Variants in BCAS3 observed in about 807,000 individuals in gnomAD.
BCAS3 encodes the protein BCAS3 microtubule associated cell migration factor.
A neutral mutation model predicts 116.1 loss-of-function variants in BCAS3; 53 were observed. The ratio of observed to expected loss-of-function variants is 0.46; its 90% confidence interval spans 0.37 to 0.57. The LOEUF is 0.57. Among genes scored for constraint, BCAS3 ranks in the 20% least tolerant of loss-of-function variants. The pLI is 0.00. For synonymous variants in BCAS3, 391 were observed against 408.2 expected, an observed-to-expected ratio of 0.96 and a Z score of 0.51; for missense variants, 917 against 1,165.4, an observed-to-expected ratio of 0.79 and a Z score of 3.10.
At chr17:60,781,529 G>A (rs1247097247) in intron 6 of BCAS3, among the ~76,000 whole-genome samples, 4 of 152,036 alleles carry the variant, frequency 2.6e-5, no homozygotes, top group Non-Finnish European at 5.9e-5. Flanking sequence ...AAGTCAGGAG[G>A]CAGAGGTTTC....
chr17:61,130,337 C>T lies in BCAS3; in HGVS notation c.2425+45773C>T, dbSNP rs1224481820. On this transcript the variant is annotated intron_variant, in intron 22 of 23. Coordinates refer to ENST00000407086, the MANE Select transcript of BCAS3 (RefSeq NM_017679.5). The surrounding 1 kb of genome is among the most constrained non-coding windows in gnomAD (Gnocchi z 5.0). The stretch of plus-strand genomic sequence containing the variant: ...TCCCAATTAATTATGAGAAATTCAT[C>T]TGTACAATTTTCTTATTAATTCTCG... Among the ~76,000 whole-genome samples, 2 of 152,118 alleles carry T rather than the reference C, an allele frequency of 1.3e-5. No individual in the cohort carries two copies. The highest frequency in any genetic ancestry group is 2.9e-5 in the Non-Finnish European group (2 of 68,022).
chr17:60,976,020 C>CATTTTTTTTTTTTT (rs1555644289), intron 14 of BCAS3, among the ~76,000 whole-genome samples: 1 of 98,286 alleles, frequency 1.0e-5, no homozygotes, highest in Non-Finnish European at 1.8e-5. Flanking sequence ...TAGATTTTTG[C>CATTTTTTTTTTTTT]TTTTTTTTTT....
chr17:61,271,124 C>CTTTTTTTT (rs1198682844), intron 22 of BCAS3, among the ~76,000 whole-genome samples: 12 of 107,070 alleles, frequency 1.1e-4, no homozygotes, highest in East Asian at 2.8e-4. Context: ...AACTTTTATT[C>CTTTTTTTT]TTTTTTTTTT....
At chr17:60,912,267 G>C (rs1472529938) in intron 12 of BCAS3, among the ~76,000 whole-genome samples, 1 of 151,972 alleles carries the variant, frequency 6.6e-6, no homozygotes, top group East Asian at 1.9e-4. Flanking sequence ...TTTTTATATA[G>C]AATATATATT....
intron 12 of BCAS3, 110 bp from the exon 13 acceptor site, chr17:60,924,297 T>G: frequency 1.2e-6 from 1 of 839,528 alleles, no homozygotes; most frequent in Non-Finnish European, 2.0e-6. Flanking sequence ...TCTGCTAGAG[T>G]GGAAACATGT....
chr17:61,294,229 A>G (rs1435828911), intron 22 of BCAS3, among the ~76,000 whole-genome samples: 1 of 151,958 alleles, frequency 6.6e-6, no homozygotes, highest in Non-Finnish European at 1.5e-5. Context: ...ATCATGTTTG[A>G]AAAAAGCCTT....
At chr17:60,748,669 T>A (rs1173331959) in intron 6 of BCAS3, among the ~76,000 whole-genome samples, 1 of 152,208 alleles carries the variant, frequency 6.6e-6, no homozygotes, top group Non-Finnish European at 1.5e-5. Flanking sequence ...TTATTTTGTT[T>A]ATGTGTATTA....
At chr17:60,811,158 C>T in intron 7 of BCAS3, 1 of 641,784 alleles carries the variant, frequency 1.6e-6, no homozygotes, top group Non-Finnish European at 2.9e-6. Context: ...AGGCCCACTA[C>T]ACCCTGCAGA....
rs2057595095 is a variant in BCAS3 at position 61,347,854 on chromosome 17, C to G, written c.2426-20473C>G. On this transcript the variant is annotated intron_variant, in intron 22 of 23. Transcript: ENST00000407086. This position sits in a 1 kb window ranked among gnomAD's most constrained non-coding sequence, Gnocchi z 4.3. ...GGGAAGGCATTCCAGGCAGAGGGAG[C>G]AGCAGATGCACAGACACAGGGGCAA... Among the ~76,000 whole-genome samples, 1 of 152,128 alleles carries G rather than the reference C, an allele frequency of 6.6e-6. No individual in the cohort carries two copies. The highest frequency in any genetic ancestry group is 1.5e-5 in the Non-Finnish European group (1 of 68,018).
Position 61,349,345 on chromosome 17 carries a change from T to C in BCAS3, c.2426-18982T>C, listed in dbSNP as rs1391331512. On this transcript the variant is annotated intron_variant, in intron 22 of 23. Transcript: ENST00000407086. The surrounding 1 kb of genome is among the most constrained non-coding windows in gnomAD (Gnocchi z 4.7). ...AAGTTCTTGAGAATCCCCATGATCA[T>C]GAGCCACTGTTACTGATGGAACCAT... 2.0e-5 allele frequency among the ~76,000 whole-genome samples: 3 copies of C among 152,166 alleles called. No individual in the cohort carries two copies. The highest frequency in any genetic ancestry group is 4.4e-5 in the Non-Finnish European group (3 of 68,032).
intron 5 of BCAS3, among the ~76,000 whole-genome samples, chr17:60,735,325 T>C (rs974944352): frequency 4.0e-5 from 6 of 150,942 alleles, no homozygotes; most frequent in Admixed American, 3.3e-4. Flanking sequence ...CTTGTCTTAC[T>C]GTATTAGCTA....
intron 7 of BCAS3, among the ~76,000 whole-genome samples, chr17:60,818,872 T>C (rs2049678675): frequency 6.6e-6 from 1 of 152,064 alleles, no homozygotes; most frequent in East Asian, 1.9e-4. Flanking sequence ...CATAGAGACG[T>C]TTTTAATGGG....
At chr17:61,174,258 T>G (rs952895996) in intron 22 of BCAS3, among the ~76,000 whole-genome samples, 1 of 152,214 alleles carries the variant, frequency 6.6e-6, no homozygotes, top group Non-Finnish European at 1.5e-5. Context: ...CAAACAGATC[T>G]CAAGAGACTT....
intron 14 of BCAS3, among the ~76,000 whole-genome samples, chr17:60,978,501 G>T (rs2062574623): frequency 6.7e-6 from 1 of 148,920 alleles, no homozygotes; most frequent in Non-Finnish European, 1.5e-5. Context: ...AAGCTCTTTA[G>T]TTTAATTAGA....
At chr17:61,318,502 A>C (rs573320348) in intron 22 of BCAS3, among the ~76,000 whole-genome samples, 2 of 152,038 alleles carry the variant, frequency 1.3e-5, no homozygotes, top group East Asian at 3.9e-4. Context: ...CCCTCCCCCT[A>C]ATTGACAAAT....
chr17:60,835,058 T>G, intron 7 of BCAS3, among the ~76,000 whole-genome samples: 1 of 152,004 alleles, frequency 6.6e-6, no homozygotes, highest in Non-Finnish European at 1.5e-5. Context: ...TTCTTCTGTA[T>G]TCCTCTGCCA....
At position 61,285,096 on chromosome 17, in the gene BCAS3, T is replaced by A. The variant is rs917470673; in HGVS notation, c.2426-83231T>A. Among the ~76,000 whole-genome samples the A allele has an allele frequency of 2.6e-5, 4 of 152,226 alleles. No individual in the cohort carries two copies. Among genetic ancestry groups the A allele is most frequent in the Admixed American group, 6.5e-5 (1 of 15,278 alleles). On this transcript the variant is annotated intron_variant, in intron 22 of 23. Transcript: ENST00000407086. This position sits in a 1 kb window ranked among gnomAD's most constrained non-coding sequence, Gnocchi z 5.4. The stretch of plus-strand genomic sequence containing the variant: ...CTGATGCTAACCTCGGGGTCTCTTC[T>A]GTCCCCTAGTGATTCAAACCAGCTA...
intron 22 of BCAS3, among the ~76,000 whole-genome samples, chr17:61,175,228 G>A (rs2079067701): frequency 6.6e-6 from 1 of 152,142 alleles, no homozygotes; most frequent in Admixed American, 6.5e-5. Context: ...GCAACTTAGT[G>A]AGACCCCATC....
intron 19 of BCAS3, among the ~76,000 whole-genome samples, chr17:61,059,154 C>T (rs1354134111): frequency 1.5e-5 from 2 of 136,170 alleles, no homozygotes; most frequent in African/African-American, 5.5e-5. Context: ...ACAATCTCGG[C>T]TCGCTGCAAG....
Sources: allele counts gnomAD v4.1 joint callset (sites outside exome capture counted in the v4.1 genomes callset), GRCh38; gene constraint gnomAD v4.1.1; non-coding constraint Gnocchi (gnomAD v3.1); transcripts MANE v1.5; gene names NCBI Gene and HGNC (gene_info 2026-07-23, HGNC 2026-07-21).